The following DUS4L variants were observed in gnomAD, a reference collection of about 807,000 sequenced individuals.
The protein encoded by DUS4L is tRNA-dihydrouridine(20a/20b) synthase [NAD(P)+]-like.
Under a neutral mutation model 33.8 loss-of-function variants are expected in DUS4L, and 31 were observed. The observed-to-expected ratio is 0.92, with a 90% CI of 0.69 to 1.24. The LOEUF (loss-of-function observed/expected upper bound fraction) is 1.24. Ranked by LOEUF, DUS4L falls within the 50% of genes most tolerant of loss-of-function variation. DUS4L has a pLI of 0.00. For synonymous variants in DUS4L, 103 were observed against 120.3 expected (o/e 0.86, Z 0.94); for missense variants, 368 against 388.6 (o/e 0.95, Z 0.45).
Position 107,576,754 on chromosome 7 carries a change from T to C in DUS4L, c.706+162T>C, listed in dbSNP as rs1320733389. On this transcript the variant is annotated intron_variant, in intron 7 of 7. Transcript: ENST00000265720. ...TTTATTAAAATGATGTTAAGTTTTC[T>C]ACCTAGAAAAACATGGATTATCTTA... 9 of 641,110 alleles carry C rather than the reference T, an allele frequency of 1.4e-5. No homozygotes were observed. In the African/African-American group the frequency reaches 1.7e-4, roughly 12 times the overall value. The allele number at this position is 641,110 out of a possible 1,614,324, so 39.7% of individuals were successfully genotyped here.
At chr7:107,577,084 G>T in intron 7 of DUS4L, 1 of 519,454 alleles carries the variant, frequency 1.9e-6, no homozygotes, top group Non-Finnish European at 3.2e-6. Context: ...GTTTAATGTA[G>T]AAATCTTTAA....
intron 4 of DUS4L, 152 bp downstream of exon 4, chr7:107,571,418 C>A: frequency 8.4e-7 from 1 of 1,186,164 alleles, no homozygotes. Flanking sequence ...CATGTTATTA[C>A]TGAATGCCTT....
At position 107,576,505 on chromosome 7, in the gene DUS4L, G is replaced by A. The variant is rs1805770615; in HGVS notation, c.619G>A (p.Glu207Lys). 2 of 1,609,510 alleles carry A rather than the reference G, an allele frequency of 1.2e-6. No homozygotes were observed. Among genetic ancestry groups the A allele is most frequent in the East Asian group, 2.2e-5 (1 of 44,812 alleles). Residue 207 changes from glutamate to lysine, a missense_variant, in exon 7 of 8, where the codon GAA becomes AAA. Glu to Lys is a moderately conservative substitution (Grantham distance 56, BLOSUM62 1). Coordinates refer to ENST00000265720, the MANE Select transcript of DUS4L (RefSeq NM_181581.3). ...VHYDSIKIIK[E>K]NMSIPVIANG... is the part of the protein sequence containing the mutation. ...CTATGATTCCATTAAAATAATTAAG[G>A]AAAATATGTCTATACCTGTAATTGC...
intron 3 of DUS4L, chr7:107,567,753 A>C (rs1804846887): frequency 2.2e-6 from 1 of 452,702 alleles, no homozygotes; most frequent in Non-Finnish European, 4.4e-6. Context: ...TTTTCATCTT[A>C]GAAGATGGAA....
rs1048273377 is a variant in DUS4L at position 107,577,362 on chromosome 7, A to G, written c.756A>G (p.Gly252=). 3 of 1,614,152 alleles carry G rather than the reference A, an allele frequency of 1.9e-6. No homozygotes were observed. In the African/African-American group the frequency reaches 4.0e-5, roughly 22 times the overall value. Residue 252 remains glycine (G), a synonymous_variant, in exon 8 of 8, where the codon GGA becomes GGG. Transcript: ENST00000265720. ...TAGCAAACCCGGCCATGTTTGCTGG[A>G]TATGAGGAAACCCCACTGAAATGCA... is the stretch of plus-strand genomic sequence containing the variant. ...GLLANPAMFA[G]YEETPLKCIW... is the part of the protein sequence containing the mutation.
Position 107,573,712 on chromosome 7 carries a change from C to G in DUS4L, c.247C>G (p.Pro83Ala), listed in dbSNP as rs944236728. The part of the protein sequence containing the change: ...SEFTTNQGDC[P>A]LIVQFAANDA... ...GCTATTCATTTTGTCAGGTGATTGC[C>G]CATTGATTGTTCAGTTTGCTGCTAA... The change falls in exon 5 of 8, where the codon CCA (proline) becomes GCA (alanine). Residue 83 changes from proline to alanine, a missense_variant. Transcript: ENST00000265720. The G allele has an allele frequency of 2.6e-5, 41 of 1,606,656 alleles. No homozygotes were observed. The highest frequency in any genetic ancestry group is 3.5e-5 in the Non-Finnish European group (41 of 1,177,076).
Position 107,565,255 on chromosome 7 carries a change from C to G in DUS4L, c.-22+579C>G, listed in dbSNP as rs370418026. On this transcript the variant is annotated intron_variant, in intron 2 of 7. Coordinates refer to ENST00000265720, the MANE Select transcript of DUS4L (RefSeq NM_181581.3). Reference sequence around the variant, plus strand: ...TGAGTTTACAAACATAAGACTCAATCCATATTCTAAAAGGAGTTAATAGGT... The same window carrying G: ...TGAGTTTACAAACATAAGACTCAATGCATATTCTAAAAGGAGTTAATAGGT... Among the ~76,000 whole-genome samples the G allele has an allele frequency of 3.7e-4, 57 of 152,232 alleles. 1 individual carries two copies. Among genetic ancestry groups the G allele is most frequent in the African/African-American group, 1.3e-3 (53 of 41,528 alleles).
At chr7:107,573,988 CAT>C (rs888738211) in intron 5 of DUS4L, 167 bp downstream of exon 5, 29 of 1,047,622 alleles carry the variant, frequency 2.8e-5, no homozygotes, top group Admixed American at 8.2e-5. Flanking sequence ...AATTTAGAAA[CAT>C]AAATTCAAAG....
rs1193770648 is a variant in DUS4L, at chr7:107,578,189, G to A, written c.*629G>A. The A allele has an allele frequency of 6.6e-6, 1 of 152,164 alleles. No homozygotes were observed. Among genetic ancestry groups the A allele is most frequent in the Non-Finnish European group, 1.5e-5 (1 of 68,038 alleles). 9.4% of individuals were successfully genotyped at this position (152,164 alleles called of 1,614,324 possible). On this transcript the variant is annotated 3_prime_UTR_variant, in exon 8 of 8. Transcript: ENST00000265720. ...TGCAATCTACCATATCTTAAGTATA[G>A]GAAATTTGGTGTCCAACCTGGAGAT... is the stretch of plus-strand genomic sequence containing the variant.
At chr7:107,569,784 T>A (rs1805040466) in intron 3 of DUS4L, among the ~76,000 whole-genome samples, 1 of 152,260 alleles carries the variant, frequency 6.6e-6, no homozygotes, top group African/African-American at 2.4e-5. Context: ...CTTGCTAAAC[T>A]CACTTGTTGG....
rs1805965625 is a variant in DUS4L, at chr7:107,578,348, G to C, written c.*788G>C. On this transcript the variant is annotated 3_prime_UTR_variant, in exon 8 of 8. Coordinates refer to ENST00000265720, the MANE Select transcript of DUS4L (RefSeq NM_181581.3). ...CCATGGTTTTGGAGTGTTATTAATA[G>C]ATTTTGTTATCGGTGGGCATGCACT... is the stretch of plus-strand genomic sequence containing the variant. 6.6e-6 allele frequency: 1 copy of C among 152,116 alleles called. No individual in the cohort carries two copies. 9.4% of individuals were successfully genotyped at this position (152,116 alleles called of 1,614,324 possible).
intron 6 of DUS4L, 85 bp from the exon 7 acceptor site, chr7:107,576,281 G>A (rs2129198043): frequency 7.7e-7 from 1 of 1,299,882 alleles, no homozygotes; most frequent in Non-Finnish European, 1.1e-6. Context: ...AACTAATTTG[G>A]TAGATGAAAT....
Position 107,578,420 on chromosome 7 carries a change from A to C in DUS4L, c.*860A>C, listed in dbSNP as rs1174815754. On this transcript the variant is annotated 3_prime_UTR_variant, in exon 8 of 8. Coordinates refer to ENST00000265720, the MANE Select transcript of DUS4L (RefSeq NM_181581.3). ...CTGAAATAAAACCGTTCATAATTAA[A>C]GTATTATTTTGTTTTGCCAACATGA... is the stretch of plus-strand genomic sequence containing the variant. The C allele has an allele frequency of 1.3e-5, 2 of 152,228 alleles. No individual in the cohort carries two copies. Among genetic ancestry groups the C allele is most frequent in the Non-Finnish European group, 2.9e-5 (2 of 68,042 alleles). 9.4% of individuals were successfully genotyped at this position (152,228 alleles called of 1,614,324 possible).
intron 6 of DUS4L, chr7:107,575,892 C>T (rs1434454008): frequency 6.2e-6 from 1 of 160,838 alleles, no homozygotes; most frequent in Non-Finnish European, 1.3e-5. Context: ...GAGGTTTCGC[C>T]ACGTTGGCCA....
At chr7:107,576,812 C>T in intron 7 of DUS4L, 2 of 472,098 alleles carry the variant, frequency 4.2e-6, no homozygotes, top group Non-Finnish European at 7.3e-6. Flanking sequence ...ACTTTTCTGA[C>T]ACCATCATAT....
chr7:107,569,560 C>A (rs528961044), intron 3 of DUS4L, among the ~76,000 whole-genome samples: 36 of 152,214 alleles, frequency 2.4e-4, no homozygotes, highest in Non-Finnish European at 4.6e-4. Flanking sequence ...GTCTCCCAAT[C>A]CATGAACACA....
At chr7:107,577,108 C>A in intron 7 of DUS4L, 1 of 604,512 alleles carries the variant, frequency 1.7e-6, no homozygotes, top group Non-Finnish European at 2.7e-6. Context: ...ATAAAGATTT[C>A]TGTACGTACA....
At chr7:107,568,662 T>C (rs1372698062) in intron 3 of DUS4L, among the ~76,000 whole-genome samples, 1 of 152,346 alleles carries the variant, frequency 6.6e-6, no homozygotes, top group South Asian at 2.1e-4. Context: ...AGAACAAAAG[T>C]TTCATTTTAA....
At chr7:107,571,990 C>G (rs1805279810) in intron 4 of DUS4L, among the ~76,000 whole-genome samples, 1 of 151,886 alleles carries the variant, frequency 6.6e-6, no homozygotes. Context: ...TTTCGTCATT[C>G]AGCTCTCAAT....
Sources: gnomAD v4.1 joint callset for allele counts (sites outside exome capture counted in the v4.1 genomes callset) on GRCh38, gnomAD v4.1.1 for gene constraint, MANE v1.5 for transcripts, NCBI Gene and HGNC (gene_info 2026-07-23, HGNC 2026-07-21) for gene names.